The following RIMS1 variants were observed in gnomAD, a reference collection of about 807,000 sequenced individuals.
The protein encoded by RIMS1 is regulating synaptic membrane exocytosis protein 1.
Under a neutral mutation model 214.1 loss-of-function variants are expected in RIMS1, and 83 were observed. The ratio of observed to expected loss-of-function variants is 0.39; its 90% CI spans 0.32 to 0.47. The LOEUF (loss-of-function observed/expected upper bound fraction) is 0.47. Ranked by LOEUF, RIMS1 falls within the 20% of genes least tolerant of loss-of-function variation. The probability of loss-of-function intolerance (pLI) is 0.99; values close to 1 mark genes in which losing one functional copy is unlikely to be tolerated. For missense variants in RIMS1, 2,050 were observed against 2,161.8 expected (o/e 0.95, Z 1.03); for synonymous variants, 793 against 786.8 (o/e 1.01, Z -0.13).
At chr6:72,140,572 C>A (rs1227733436) in intron 4 of RIMS1, among the ~76,000 whole-genome samples, 1 of 151,988 alleles carries the variant, frequency 6.6e-6, no homozygotes, top group East Asian at 1.9e-4. Flanking sequence ...CACCTTCCAC[C>A]CTTTATGATA....
At chr6:72,060,025 G>A (rs953031033) in intron 2 of RIMS1, among the ~76,000 whole-genome samples, 1 of 151,768 alleles carries the variant, frequency 6.6e-6, no homozygotes. Flanking sequence ...CACAACCTCC[G>A]CCTCCTGGGT....
chr6:72,170,344 T>A (rs928331223), intron 4 of RIMS1, among the ~76,000 whole-genome samples: 3 of 152,194 alleles, frequency 2.0e-5, no homozygotes, highest in African/African-American at 7.2e-5. Context: ...ATGGGTTTTT[T>A]AAATTTTTTC....
chr6:72,354,807 C>T (rs1934124), intron 29 of RIMS1, among the ~76,000 whole-genome samples: 119,514 of 152,108 alleles, frequency 0.79, 47,732 homozygotes, highest in African/African-American at 0.94. Context: ...TTTTGGGGTT[C>T]TGTTAACATA....
intron 1 of RIMS1, among the ~76,000 whole-genome samples, chr6:71,944,545 G>A (rs1339697652): frequency 6.6e-6 from 1 of 152,172 alleles, no homozygotes; most frequent in Non-Finnish European, 1.5e-5. Flanking sequence ...TGTGAAGTGG[G>A]TGTTAGAGAG....
chr6:71,898,049 G>A (rs1772400884), intron 1 of RIMS1, among the ~76,000 whole-genome samples: 1 of 152,116 alleles, frequency 6.6e-6, no homozygotes, highest in Admixed American at 6.6e-5. Flanking sequence ...GACATTATAA[G>A]GTAAAATTAA....
chr6:72,275,274 C>T (rs994961667), intron 23 of RIMS1, among the ~76,000 whole-genome samples: 12 of 150,502 alleles, frequency 8.0e-5, no homozygotes, highest in African/African-American at 2.4e-4. Flanking sequence ...ATTCAGCCAA[C>T]GCATTGGTAA....
intron 1 of RIMS1, among the ~76,000 whole-genome samples, chr6:71,927,902 T>A (rs1300323283): frequency 6.6e-6 from 1 of 152,172 alleles, no homozygotes; most frequent in Non-Finnish European, 1.5e-5. Flanking sequence ...AACTACACAA[T>A]CTTTTACAGA....
chr6:72,087,335 C>T (rs1834925522), intron 2 of RIMS1, among the ~76,000 whole-genome samples: 1 of 152,056 alleles, frequency 6.6e-6, no homozygotes, highest in Non-Finnish European at 1.5e-5. Context: ...AATTAGTGCC[C>T]TTCACAGACA....
chr6:72,011,609 A>C (rs373887753), intron 2 of RIMS1, among the ~76,000 whole-genome samples: 176 of 152,168 alleles, frequency 1.2e-3, no homozygotes, highest in African/African-American at 3.1e-3. Context: ...CCAGAATCTA[A>C]AAAGAACTCA....
At chr6:72,288,777 T>G (rs151121203) in intron 24 of RIMS1, among the ~76,000 whole-genome samples, 140 of 152,310 alleles carry the variant, frequency 9.2e-4, no homozygotes, top group African/African-American at 3.2e-3. Flanking sequence ...TTTCTTCCTC[T>G]GGCAAAGTGG....
At position 72,235,666 on chromosome 6, in the gene RIMS1, C is replaced by T. The variant is rs745682771; in HGVS notation, c.1795C>T (p.Arg599Cys). The T allele has an allele frequency of 1.9e-5, 31 of 1,611,042 alleles. 1 individual carries two copies. The Middle Eastern group carries it at 8.2e-4, about 43-fold the overall frequency. The change falls in exon 8 of 34, where the codon CGT (arginine) becomes TGT (cysteine). Residue 599 changes from arginine (R) to cysteine (C), a missense_variant. By Grantham distance (180) the Arg-to-Cys change is radical (BLOSUM62 -3). Around this residue, in one of 6 missense-constraint regions of RIMS1, gnomAD observed 882 missense variants for 828.9 expected, o/e 1.06. Coordinates refer to ENST00000521978, the MANE Select transcript of RIMS1 (RefSeq NM_014989.7). ...TAAAGAGGGGGACCGATTAATTGGA[C>T]GTGTTATTCTTAACAAGAGAACAAC... ...PSKEGDRLIG[R>C]VILNKRTTMP...
At chr6:72,196,793 C>T (rs2051063466) in intron 6 of RIMS1, among the ~76,000 whole-genome samples, 1 of 151,480 alleles carries the variant, frequency 6.6e-6, no homozygotes, top group Admixed American at 6.6e-5. Context: ...CACATAAGAG[C>T]TTGTCAGGTA....
intron 4 of RIMS1, among the ~76,000 whole-genome samples, chr6:72,152,141 G>T (rs1238317472): frequency 6.6e-6 from 1 of 152,150 alleles, no homozygotes; most frequent in Non-Finnish European, 1.5e-5. Context: ...ATGAGATTTG[G>T]AGGGAACAAA....
intron 1 of RIMS1, among the ~76,000 whole-genome samples, chr6:71,956,304 A>G (rs1281005258): frequency 6.6e-6 from 1 of 152,008 alleles, no homozygotes; most frequent in Non-Finnish European, 1.5e-5. Flanking sequence ...TTCTTTCCAC[A>G]ATTCTATTTT....
chr6:72,059,401 A>T (rs1585953898), intron 2 of RIMS1, among the ~76,000 whole-genome samples: 1 of 152,004 alleles, frequency 6.6e-6, no homozygotes, highest in Non-Finnish European at 1.5e-5. Context: ...CTAATTTTTT[A>T]AACTTTTTGT....
chr6:72,181,317 T>C (rs1460045015), intron 5 of RIMS1, among the ~76,000 whole-genome samples: 4 of 152,148 alleles, frequency 2.6e-5, no homozygotes, highest in Non-Finnish European at 5.9e-5. Flanking sequence ...TACTAAGCTA[T>C]TTGGAGAAAG....
rs370106451 is a variant in RIMS1 at position 72,127,306 on chromosome 6, G to GT, written c.471+27330dup. Among the ~76,000 whole-genome samples, 202 of 148,316 alleles carry GT rather than the reference G, an allele frequency of 1.4e-3. 1 individual carries two copies. Among genetic ancestry groups the GT allele is most frequent in the African/African-American group, 4.2e-3 (171 of 40,594 alleles). On this transcript the variant is annotated intron_variant, in intron 4 of 33. Transcript: ENST00000521978. ...GGCTAATACCAGTACATGCTGTGAT[G>GT]TTTTTTTTTTCCTCCTTGTGTGTTT...
In RIMS1 at chr6:72,177,724, A is replaced by C. The variant is rs190516220; in HGVS notation, c.472-1851A>C. Among the ~76,000 whole-genome samples the C allele has an allele frequency of 2.4e-4, 36 of 152,290 alleles. No individual in the cohort carries two copies. The East Asian group carries it at 2.5e-3, about 11-fold the overall frequency. ...TCTGTCAGCTAAAGAGACAAAAAAC[A>C]AACCAACCAACCAAAACCTTCCCAC... is the stretch of plus-strand genomic sequence containing the variant. On this transcript the variant is annotated intron_variant, in intron 4 of 33. Transcript: ENST00000521978.
chr6:72,116,989 G>A (rs1380921177), intron 4 of RIMS1, among the ~76,000 whole-genome samples: 2 of 151,860 alleles, frequency 1.3e-5, no homozygotes, highest in Non-Finnish European at 2.9e-5. Context: ...ATCTCCATGT[G>A]ACAGATGAGA....
Sources: gnomAD v4.1 joint callset for allele counts (sites outside exome capture counted in the v4.1 genomes callset) on GRCh38, gnomAD v4.1.1 for gene constraint, gnomAD v4.1.1 regional missense constraint, MANE v1.5 for transcripts, NCBI Gene and HGNC (gene_info 2026-07-23, HGNC 2026-07-21) for gene names.